The following SPSB1 variants were observed in gnomAD, a reference collection of about 807,000 sequenced individuals.
The protein encoded by SPSB1 is SPRY domain-containing SOCS box protein 1.
SPSB1 carries 8 observed loss-of-function variants against 21.2 expected under a neutral mutation model. The ratio of observed to expected loss-of-function variants is 0.38; its 90% CI spans 0.22 to 0.68. The LOEUF (loss-of-function observed/expected upper bound fraction) is 0.68, where lower values mean the gene tolerates loss of function less well. Among genes scored for constraint, SPSB1 ranks in the 30% least tolerant of loss-of-function variants. The pLI is 0.53. For missense variants in SPSB1, 242 were observed against 377.8 expected (o/e 0.64, Z 2.98); for synonymous variants, 169 against 161.7 (o/e 1.05, Z -0.34).
chr1:9,294,392 CA>C (rs1370277924), intron 1 of SPSB1: 1 of 152,346 alleles, frequency 6.6e-6, no homozygotes, highest in African/African-American at 2.4e-5. Flanking sequence ...GGGGACCATC[CA>C]GGGGGCCCTC....
intron 1 of SPSB1, among the ~76,000 whole-genome samples, chr1:9,314,737 TC>T: frequency 6.6e-6 from 1 of 152,322 alleles, no homozygotes; most frequent in African/African-American, 2.4e-5. Flanking sequence ...AGGGGACACT[TC>T]CTGTGGCCAT....
At chr1:9,295,201 T>TGTGTGTGAGAGTGTGA (rs1397412524) in intron 1 of SPSB1, among the ~76,000 whole-genome samples, 1 of 133,778 alleles carries the variant, frequency 7.5e-6, no homozygotes, top group East Asian at 2.1e-4. Context: ...AGTGTGTGTG[T>TGTGTGTGAGAGTGTGA]GTGTGTGAGA....
chr1:9,303,926 G>A (rs567560999), intron 1 of SPSB1, among the ~76,000 whole-genome samples: 2 of 152,240 alleles, frequency 1.3e-5, no homozygotes, highest in Non-Finnish European at 2.9e-5. Flanking sequence ...CTTTTCTGCT[G>A]ACAGGGAAGC....
chr1:9,305,220 C>G lies in SPSB1; in HGVS notation c.-150+12149C>G, dbSNP rs778280838. Among the ~76,000 whole-genome samples the G allele has an allele frequency of 6.6e-6, 1 of 152,202 alleles. No individual in the cohort carries two copies. Among genetic ancestry groups the G allele is most frequent in the Non-Finnish European group, 1.5e-5 (1 of 68,038 alleles). On this transcript the variant is annotated intron_variant, in intron 1 of 2. Transcript: ENST00000328089. The surrounding 1 kb of genome is among the most constrained non-coding windows in gnomAD (Gnocchi z 4.8). ...CTGCCTGGTCCCGCCTCGGCTGGCC[C>G]GTTCCTACCGGCTGGCCCATACCCT...
chr1:9,366,834 A>G (rs1011416900), intron 2 of SPSB1, among the ~76,000 whole-genome samples: 5 of 152,184 alleles, frequency 3.3e-5, no homozygotes, highest in African/African-American at 4.8e-5. Context: ...TTGGCCTCCC[A>G]AAATGCTGGG....
chr1:9,294,934 CTG>C (rs1639192738), intron 1 of SPSB1, among the ~76,000 whole-genome samples: 1 of 152,156 alleles, frequency 6.6e-6, no homozygotes, highest in African/African-American at 2.4e-5. Context: ...TCCTGTCTTA[CTG>C]TCTAGGCCAG....
chr1:9,302,076 C>T (rs113778402), intron 1 of SPSB1, among the ~76,000 whole-genome samples: 3 of 152,220 alleles, frequency 2.0e-5, no homozygotes, highest in African/African-American at 7.2e-5. Context: ...GGATCATGTG[C>T]AGGGAATTGG....
At chr1:9,353,826 G>A (rs968121461) in intron 1 of SPSB1, among the ~76,000 whole-genome samples, 16 of 151,864 alleles carry the variant, frequency 1.1e-4, no homozygotes, top group African/African-American at 3.9e-4. Context: ...GCATAGGCAG[G>A]AGAATCGCTT....
Position 9,345,211 on chromosome 1 carries a change from C to T in SPSB1, c.-149-10532C>T, listed in dbSNP as rs1640151368. 1.3e-5 allele frequency among the ~76,000 whole-genome samples: 2 copies of T among 152,210 alleles called. No homozygotes were observed. Among genetic ancestry groups the T allele is most frequent in the South Asian group, 4.1e-4 (2 of 4,830 alleles). ...TCCACCCTGCCTCAAGCCCCCGTCT[C>T]CTGCCTTCTGGGGAGCTGCTGGGGG... On this transcript the variant is annotated intron_variant, in intron 1 of 2. Coordinates refer to ENST00000328089, the MANE Select transcript of SPSB1 (RefSeq NM_025106.4). The surrounding 1 kb of genome is among the most constrained non-coding windows in gnomAD (Gnocchi z 4.8).
intron 1 of SPSB1, among the ~76,000 whole-genome samples, chr1:9,312,161 A>T (rs1013205030): frequency 1.4e-5 from 2 of 147,834 alleles, no homozygotes; most frequent in African/African-American, 5.3e-5. Context: ...TTTTATTTTA[A>T]TTTTTTAATT....
At position 9,367,358 on chromosome 1, in the gene SPSB1, T is replaced by C; in HGVS notation, c.695-90T>C. 6.4e-7 allele frequency: 1 copy of C among 1,574,490 alleles called. No individual in the cohort carries two copies. Among genetic ancestry groups the C allele is most frequent in the South Asian group, 1.1e-5 (1 of 89,942 alleles). ...TTTCTTTACTGATTTGAGTGAATAC[T>C]AATCAGTGATAATATTGCTGCTGTG... On this transcript the variant is annotated intron_variant, in intron 2 of 2. Coordinates refer to ENST00000328089, the MANE Select transcript of SPSB1 (RefSeq NM_025106.4). The surrounding 1 kb of genome is among the most constrained non-coding windows in gnomAD (Gnocchi z 5.9).
chr1:9,359,627 G>C (rs1051674405), intron 2 of SPSB1, among the ~76,000 whole-genome samples: 1 of 151,516 alleles, frequency 6.6e-6, no homozygotes, highest in African/African-American at 2.4e-5. Flanking sequence ...GCTTGAACCC[G>C]GGAGGTGGAG....
At chr1:9,316,769 G>T (rs80074616) in intron 1 of SPSB1, among the ~76,000 whole-genome samples, 1,625 of 152,352 alleles carry the variant, frequency 0.011, 24 homozygotes, top group African/African-American at 0.037. Context: ...ATTGGGTCTG[G>T]GTCTGGGGGC....
intron 1 of SPSB1, among the ~76,000 whole-genome samples, chr1:9,312,295 G>A (rs147260134): frequency 0.011 from 1,711 of 152,020 alleles, 32 homozygotes; most frequent in African/African-American, 0.039. Context: ...CCAAAGCTCT[G>A]GGATTACAGG....
chr1:9,367,564 C>G lies in SPSB1; in HGVS notation c.811C>G (p.Leu271Val). The stretch of plus-strand genomic sequence containing the variant: ...GCCGGCTTCCCTCAAGGCCTACCTC[C>G]TCTACCAGTGACGTTCGCCATCATA... ...PLPASLKAYL[L>V]YQ The change falls in exon 3 of 3, where the codon CTC becomes GTC. Residue 271 changes from leucine to valine, a missense_variant. Coordinates refer to ENST00000328089, the MANE Select transcript of SPSB1 (RefSeq NM_025106.4). This position sits in a 1 kb window ranked among gnomAD's most constrained non-coding sequence, Gnocchi z 5.9. 6.2e-7 allele frequency: 1 copy of G among 1,609,676 alleles called. No homozygotes were observed.
chr1:9,334,559 G>C (rs1043236770), intron 1 of SPSB1, among the ~76,000 whole-genome samples: 3 of 152,188 alleles, frequency 2.0e-5, no homozygotes, highest in African/African-American at 7.2e-5. Context: ...GAGTTCAGTG[G>C]CATTAGGTAC....
intron 1 of SPSB1, among the ~76,000 whole-genome samples, chr1:9,344,724 G>A (rs1640143483): frequency 6.6e-6 from 1 of 152,202 alleles, no homozygotes; most frequent in East Asian, 1.9e-4. Flanking sequence ...GCCTCAGGGG[G>A]CGGATGAGTG....
rs928261204 is a variant in SPSB1 at position 9,293,311 on chromosome 1, C to T, written c.-150+240C>T. Among the ~76,000 whole-genome samples the T allele has an allele frequency of 1.3e-5, 2 of 148,810 alleles. No individual in the cohort carries two copies. Among genetic ancestry groups the T allele is most frequent in the African/African-American group, 4.9e-5 (2 of 40,584 alleles). On this transcript the variant is annotated intron_variant, in intron 1 of 2. Transcript: ENST00000328089. The surrounding 1 kb of genome is among the most constrained non-coding windows in gnomAD (Gnocchi z 5.1). ...CGGCTCCTGGGAGAGGGGCCCAGGC[C>T]CGCCCCGCGCTGCCGCCGCTGCAGG... is the stretch of plus-strand genomic sequence containing the variant.
rs1640200493 is a variant in SPSB1 at position 9,348,512 on chromosome 1, T to G, written c.-149-7231T>G. Among the ~76,000 whole-genome samples the G allele has an allele frequency of 6.6e-6, 1 of 151,908 alleles. No individual in the cohort carries two copies. Among genetic ancestry groups the G allele is most frequent in the Admixed American group, 6.6e-5 (1 of 15,260 alleles). The stretch of plus-strand genomic sequence containing the variant: ...GGTCTAGGACTCCCAAACAGTGCAC[T>G]TTGGGGATGCTTTTGACTCCTCCCC... On this transcript the variant is annotated intron_variant, in intron 1 of 2. Coordinates refer to ENST00000328089, the MANE Select transcript of SPSB1 (RefSeq NM_025106.4). This position sits in a 1 kb window ranked among gnomAD's most constrained non-coding sequence, Gnocchi z 4.8.
Sources: allele counts gnomAD v4.1 joint callset (sites outside exome capture counted in the v4.1 genomes callset), GRCh38; gene constraint gnomAD v4.1.1; non-coding constraint Gnocchi (gnomAD v3.1); transcripts MANE v1.5; gene names NCBI Gene and HGNC (gene_info 2026-07-23, HGNC 2026-07-21).